The following APPBP2 variants were observed in gnomAD, a reference collection of about 807,000 sequenced individuals.
The protein encoded by APPBP2 is amyloid protein-binding protein 2.
In APPBP2, 15 loss-of-function variants were observed where a neutral mutation model predicts 76.0. The ratio of observed to expected loss-of-function variants is 0.20; its 90% confidence interval spans 0.13 to 0.30. The LOEUF (loss-of-function observed/expected upper bound fraction) is 0.30, where lower values mean the gene tolerates loss of function less well. Among genes scored for constraint, APPBP2 ranks in the 10% least tolerant of loss-of-function variants. APPBP2 has a pLI of 1.00. For missense variants in APPBP2, 401 were observed against 687.2 expected (o/e 0.58, Z 4.66); for synonymous variants, 222 against 242.2 (o/e 0.92, Z 0.77).
At chr17:60,475,044 A>G (rs2090579310) in intron 4 of APPBP2, among the ~76,000 whole-genome samples, 1 of 152,122 alleles carries the variant, frequency 6.6e-6, no homozygotes, top group Non-Finnish European at 1.5e-5. Context: ...CCAGGCTAAC[A>G]TGGTGAAACC....
At position 60,526,181 on chromosome 17, in the gene APPBP2, G is replaced by A; in HGVS notation, c.-250C>T. 1 of 495,562 alleles carries A rather than the reference G, an allele frequency of 2.0e-6. No individual in the cohort carries two copies. Among genetic ancestry groups the A allele is most frequent in the Admixed American group, 3.4e-5 (1 of 29,848 alleles). The allele number at this position is 495,562 out of a possible 1,614,324, so 30.7% of individuals were successfully genotyped here. On this transcript the variant is annotated 5_prime_UTR_variant, in exon 1 of 13. Coordinates refer to ENST00000083182, the MANE Select transcript of APPBP2 (RefSeq NM_006380.5). ...CCAGGCCAAAAGCGTCACAATCCCG[G>A]TTCGAGAGGAACCCGGGTTCCGTCC...
At chr17:60,508,572 T>TGA (rs2090887736) in intron 1 of APPBP2, among the ~76,000 whole-genome samples, 1 of 152,170 alleles carries the variant, frequency 6.6e-6, no homozygotes, top group Non-Finnish European at 1.5e-5. Context: ...AGAAAGGAGC[T>TGA]GAGGCAGCAT....
At chr17:60,518,836 C>CT (rs199690073) in intron 1 of APPBP2, among the ~76,000 whole-genome samples, 1 of 151,808 alleles carries the variant, frequency 6.6e-6, no homozygotes, top group African/African-American at 2.4e-5. Context: ...ACATCAATTT[C>CT]TTTTTTTTCC....
intron 3 of APPBP2, among the ~76,000 whole-genome samples, chr17:60,490,265 G>T (rs953740665): frequency 6.6e-6 from 1 of 152,164 alleles, no homozygotes; most frequent in African/African-American, 2.4e-5. Context: ...TCTTGGTTTT[G>T]ATATTGCCCT....
intron 1 of APPBP2, among the ~76,000 whole-genome samples, chr17:60,525,388 G>C (rs890078392): frequency 6.6e-6 from 1 of 152,330 alleles, no homozygotes; most frequent in African/African-American, 2.4e-5. Flanking sequence ...AGGAATGGGT[G>C]GGGGGAGGAG....
chr17:60,458,046 T>C (rs1037813967), intron 9 of APPBP2, among the ~76,000 whole-genome samples: 1 of 152,228 alleles, frequency 6.6e-6, no homozygotes, highest in Non-Finnish European at 1.5e-5. Flanking sequence ...AATGAAATCA[T>C]ACAATATGTG....
At chr17:60,494,339 TG>T in intron 3 of APPBP2, 126 bp downstream of exon 3, 1 of 926,756 alleles carries the variant, frequency 1.1e-6, no homozygotes, top group East Asian at 2.6e-5. Context: ...TGGGGTTAAG[TG>T]GTTCTGATGT....
chr17:60,479,846 T>C (rs960327480), intron 3 of APPBP2, among the ~76,000 whole-genome samples: 4 of 152,212 alleles, frequency 2.6e-5, no homozygotes, highest in African/African-American at 9.6e-5. Context: ...CTTCGTATTG[T>C]GGTAACTACA....
At chr17:60,524,010 C>T (rs8067225) in intron 1 of APPBP2, among the ~76,000 whole-genome samples, 11,923 of 152,190 alleles carry the variant, frequency 0.078, 1,570 homozygotes, top group African/African-American at 0.27. Context: ...TTTAACACTT[C>T]CCTCATCTTA....
At chr17:60,514,027 A>G (rs2090942895) in intron 1 of APPBP2, among the ~76,000 whole-genome samples, 1 of 148,190 alleles carries the variant, frequency 6.7e-6, no homozygotes, top group Non-Finnish European at 1.5e-5. Flanking sequence ...AAACACAGCC[A>G]GGCATGGTGG....
At chr17:60,520,888 C>T (rs1000045174) in intron 1 of APPBP2, among the ~76,000 whole-genome samples, 2 of 152,098 alleles carry the variant, frequency 1.3e-5, no homozygotes, top group African/African-American at 2.4e-5. Flanking sequence ...AGAATAAGAA[C>T]ACAGCCCCGT....
chr17:60,518,003 C>A (rs377387311), intron 1 of APPBP2, among the ~76,000 whole-genome samples: 7 of 151,378 alleles, frequency 4.6e-5, no homozygotes, highest in African/African-American at 1.5e-4. Flanking sequence ...TATTAGAAAA[C>A]ATGCCCTTCA....
intron 11 of APPBP2, 152 bp from the exon 12 acceptor site, chr17:60,452,197 G>A (rs2090400432): frequency 1.3e-6 from 1 of 757,028 alleles, no homozygotes; most frequent in African/African-American, 1.8e-5. Context: ...TCCAAAAATT[G>A]CCTATGGGAA....
In APPBP2 at chr17:60,500,413, T is replaced by C. The variant is rs771361339; in HGVS notation, c.213A>G (p.Arg71=). ...AAAGAATTTACCTTTTATCCAAAGCTCTCAGTACTTTAGCAAAAACTTCCA... is the reference window on the plus strand; with the variant it reads ...AAAGAATTTACCTTTTATCCAAAGCCCTCAGTACTTTAGCAAAAACTTCCA... ...CELEVFAKVL[R]ALDKRHLLHH... The change falls in exon 2 of 13, where the codon AGA becomes AGG. Residue 71 remains arginine, a synonymous_variant. Coordinates refer to ENST00000083182, the MANE Select transcript of APPBP2 (RefSeq NM_006380.5). The C allele has an allele frequency of 6.2e-7, 1 of 1,606,810 alleles. No homozygotes were observed. Among genetic ancestry groups the C allele is most frequent in the Non-Finnish European group, 8.5e-7 (1 of 1,175,232 alleles).
At position 60,525,919 on chromosome 17, in the gene APPBP2, C is replaced by G; in HGVS notation, c.13G>C (p.Glu5Gln). The change falls in exon 1 of 13, where the codon GAA becomes CAA. Residue 5 changes from glutamate to glutamine, a missense_variant. This residue lies in a region of APPBP2 where 149 missense variants were observed against 198.4 expected (regional missense o/e 0.75). Coordinates refer to ENST00000083182, the MANE Select transcript of APPBP2 (RefSeq NM_006380.5). ...AGAGTCTCTGGGATCCACTCTAGTT[C>G]CACGGCCGCCATCTTCCTTCCCTCC... MAAV[E>Q]LEWIPETLYN... 2 of 1,612,332 alleles carry G rather than the reference C, an allele frequency of 1.2e-6. No individual in the cohort carries two copies. Among genetic ancestry groups the G allele is most frequent in the Non-Finnish European group, 1.7e-6 (2 of 1,179,314 alleles).
chr17:60,490,692 T>A (rs2090721358), intron 3 of APPBP2, among the ~76,000 whole-genome samples: 1 of 152,092 alleles, frequency 6.6e-6, no homozygotes, highest in Non-Finnish European at 1.5e-5. Flanking sequence ...ATTCCCACAT[T>A]ATGGGAGGGA....
At chr17:60,494,705 C>A in intron 2 of APPBP2, 88 bp from the exon 3 acceptor site, 1 of 1,160,900 alleles carries the variant, frequency 8.6e-7, no homozygotes, top group Admixed American at 3.0e-5. Context: ...TAAATAATAG[C>A]ACCATTATTT....
intron 11 of APPBP2, among the ~76,000 whole-genome samples, chr17:60,453,751 C>A (rs140139317): frequency 6.6e-6 from 1 of 152,080 alleles, no homozygotes; most frequent in East Asian, 1.9e-4. Context: ...ATTGACCAGG[C>A]TAATCTTCAA....
At chr17:60,503,013 CTTTTT>C in intron 1 of APPBP2, among the ~76,000 whole-genome samples, 1 of 126,488 alleles carries the variant, frequency 7.9e-6, no homozygotes, top group African/African-American at 3.4e-5. Context: ...TTTAAATTTT[CTTTTT>C]TTTTTTTTTT....
Sources: allele counts gnomAD v4.1 joint callset (sites outside exome capture counted in the v4.1 genomes callset), GRCh38; gene constraint gnomAD v4.1.1; regional missense constraint gnomAD v4.1.1; transcripts MANE v1.5; gene names NCBI Gene and HGNC (gene_info 2026-07-23, HGNC 2026-07-21).